The following VSIG4 variants were observed in gnomAD, a reference collection of about 807,000 sequenced individuals.
VSIG4 encodes V-set and immunoglobulin domain-containing protein 4.
A neutral mutation model predicts 23.4 loss-of-function variants in VSIG4; 34 were observed. That is an observed-to-expected ratio of 1.45 (90% CI 1.10 to 1.93). The LOEUF is 1.93. Ranked by LOEUF, VSIG4 falls within the 30% of genes most tolerant of loss-of-function variation. The pLI is 0.00. For missense variants in VSIG4, 433 were observed against 310.8 expected, an observed-to-expected ratio of 1.39 and a Z score of -2.96; for synonymous variants, 169 against 120.3, an observed-to-expected ratio of 1.41 and a Z score of -2.65.
intron 1 of VSIG4, among the ~76,000 whole-genome samples, chrX:66,036,446 C>A (rs1454072894): frequency 9.6e-6 from 1 of 104,099 alleles, no homozygotes; most frequent in Non-Finnish European, 1.9e-5. Flanking sequence ...TAATGAAGGA[C>A]TGTATGATGT....
chrX:66,032,763 A>G lies in VSIG4; in HGVS notation c.413-14T>C, dbSNP rs2085480232. The G allele has an allele frequency of 1.7e-6, 2 of 1,205,286 alleles. No homozygotes were observed. The highest frequency in any genetic ancestry group is 5.9e-5 in the East Asian group (2 of 33,681). ...TGGAGACAGAGACTGCAAAGAAAAG[A>G]CAAGACAGGAAACTCTGGGCAGTCA... On this transcript the variant is annotated splice_polypyrimidine_tract_variant and intron_variant, in intron 2 of 7. Transcript: ENST00000374737.
chrX:66,037,007 A>T (rs867847059), intron 1 of VSIG4, among the ~76,000 whole-genome samples: 1 of 39,953 alleles, frequency 2.5e-5, no homozygotes, highest in African/African-American at 1.3e-4. Context: ...TATATCATAT[A>T]ATATATCATA....
Position 66,033,559 on chromosome X carries a change from G to A in VSIG4, c.327C>T (p.Ser109=), listed in dbSNP as rs564542577. Residue 109 remains serine, a synonymous_variant, in exon 2 of 8, where the codon AGC becomes AGT. Transcript: ENST00000374737. ...GCCAGGTGACTTCACACGTGTAGTG[G>A]CTCCGGTCATCCATCTCCAGGGTGC... ...QLSTLEMDDR[S]HYTCEVTWQT... 355 of 1,209,687 alleles carry A rather than the reference G, an allele frequency of 2.9e-4. 2 individuals carry two copies. The South Asian group carries it at 6.1e-3, about 21-fold the overall frequency.
chrX:66,025,751 T>C (rs932272597), intron 5 of VSIG4, among the ~76,000 whole-genome samples: 1 of 112,258 alleles, frequency 8.9e-6, no homozygotes, highest in Non-Finnish European at 1.9e-5. Context: ...GTATGTTAGT[T>C]TACATAGTAA....
intron 1 of VSIG4, among the ~76,000 whole-genome samples, chrX:66,037,690 A>T (rs1329129049): frequency 1.1e-5 from 1 of 91,336 alleles, no homozygotes. Flanking sequence ...ATAACATTAT[A>T]TTATATTATA....
At chrX:66,030,957 G>C (rs1259568773) in intron 3 of VSIG4, among the ~76,000 whole-genome samples, 1 of 110,905 alleles carries the variant, frequency 9.0e-6, no homozygotes, top group African/African-American at 3.3e-5. Context: ...AGTTCCGTAG[G>C]GCAGAGGTGA....
intron 3 of VSIG4, among the ~76,000 whole-genome samples, chrX:66,029,655 A>G (rs1244392399): frequency 8.9e-6 from 1 of 111,889 alleles, no homozygotes; most frequent in East Asian, 2.8e-4. Context: ...AGAAAGAAAG[A>G]GCCTAATAAG....
At chrX:66,024,603 A>G (rs913875778) in intron 6 of VSIG4, among the ~76,000 whole-genome samples, 3 of 110,638 alleles carry the variant, frequency 2.7e-5, no homozygotes, top group African/African-American at 9.9e-5. Context: ...GCCTTAAATT[A>G]CTCTCTTCTC....
In VSIG4 at chrX:66,021,952, G is replaced by A. The variant is rs2085336298; in HGVS notation, c.*311C>T. On this transcript the variant is annotated 3_prime_UTR_variant, in exon 8 of 8. Coordinates refer to ENST00000374737, the MANE Select transcript of VSIG4 (RefSeq NM_007268.3). ...GGTCTTCTGGTGGCAAGATGCCAAAGTTGAATAGTGTCTGTAGGCATGATG... is the reference window on the plus strand; with the variant it reads ...GGTCTTCTGGTGGCAAGATGCCAAAATTGAATAGTGTCTGTAGGCATGATG... The A allele has an allele frequency of 1.2e-6, 1 of 837,192 alleles. No homozygotes were observed. The highest frequency in any genetic ancestry group is 2.0e-5 in the African/African-American group (1 of 48,803). 69.0% of individuals were successfully genotyped at this position (837,192 alleles called of 1,213,427 possible). A position where few individuals can be genotyped will look rare whatever the true frequency, so the allele number is the denominator to read the frequency against.
intron 1 of VSIG4, 149 bp from the exon 2 acceptor site, chrX:66,033,979 C>G: frequency 2.2e-6 from 1 of 457,368 alleles, no homozygotes; most frequent in Non-Finnish European, 3.8e-6. Context: ...CCCTTTTGCT[C>G]TTTGCCAGCC....
At chrX:66,036,796 ATATAT>A (rs1376264321) in intron 1 of VSIG4, among the ~76,000 whole-genome samples, 3 of 39,657 alleles carry the variant, frequency 7.6e-5, no homozygotes, top group Non-Finnish European at 1.1e-4. Flanking sequence ...ATATAATATA[ATATAT>A]TATATAATAT....
intron 6 of VSIG4, 62 bp downstream of exon 6, chrX:66,024,963 C>T: frequency 2.3e-6 from 2 of 867,914 alleles, no homozygotes; most frequent in Non-Finnish European, 3.2e-6. Flanking sequence ...AGAATTTAGG[C>T]TCAAGTATAC....
intron 1 of VSIG4, among the ~76,000 whole-genome samples, chrX:66,035,602 T>A (rs186769527): frequency 8.9e-6 from 1 of 112,117 alleles, no homozygotes; most frequent in African/African-American, 3.2e-5. Context: ...GGTTTCACTG[T>A]GCCATAGATA....
chrX:66,026,096 C>T (rs922874223), intron 5 of VSIG4, among the ~76,000 whole-genome samples: 1 of 111,833 alleles, frequency 8.9e-6, no homozygotes. Context: ...CTTAGTTACC[C>T]CATAAGTTCA....
chrX:66,032,707 C>G lies in VSIG4; in HGVS notation c.455G>C (p.Gly152Ala), dbSNP rs763612311. 13 of 1,209,493 alleles carry G rather than the reference C, an allele frequency of 1.1e-5. No homozygotes were observed. The African/African-American group carries it at 2.1e-4, about 20-fold the overall frequency. ...CCTCATTCCCTGGGGCACCGTGAAG[C>G]CATAACCGCTGCCAGTTGTCACTGT... ...KPTVTTGSGY[G>A]FTVPQGMRIS... is the part of the protein sequence containing the mutation. The change falls in exon 3 of 8, where the codon GGC (glycine) becomes GCC (alanine). Residue 152 changes from glycine (G) to alanine (A), a missense_variant. Coordinates refer to ENST00000374737, the MANE Select transcript of VSIG4 (RefSeq NM_007268.3).
rs751498904 is a variant in VSIG4, at chrX:66,029,534, T to C, written c.695-1422A>G. Among the ~76,000 whole-genome samples the C allele has an allele frequency of 1.5e-4, 17 of 111,374 alleles. 1 individual carries two copies. The South Asian group carries it at 5.6e-3, about 37-fold the overall frequency. On this transcript the variant is annotated intron_variant, in intron 3 of 7. Transcript: ENST00000374737. Reference sequence around the variant, plus strand: ...TGACATAAAATATATACTCAATAAATATTGAATAAGTTGATGACTTCGTAA... The same window carrying C: ...TGACATAAAATATATACTCAATAAACATTGAATAAGTTGATGACTTCGTAA...
Position 66,022,443 on chromosome X carries a change from T to G in VSIG4, c.1020A>C (p.Ala340=), listed in dbSNP as rs748325315. ...SGETMRVAIF[A]SGCSSDEPTS... ...TTGGCTCATCACTGGAGCAGCCACT[T>G]GCGAAGATGGCCACCCTCATGGTTT... The change falls in exon 8 of 8, where the codon GCA becomes GCC. Residue 340 remains alanine, a synonymous_variant. Transcript: ENST00000374737. The G allele has an allele frequency of 3.3e-6, 4 of 1,212,010 alleles. No individual in the cohort carries two copies. In the South Asian group the frequency reaches 7.0e-5, roughly 21 times the overall value.
chrX:66,022,733 C>A (rs1228832948), intron 7 of VSIG4, 108 bp downstream of exon 7: 2 of 1,188,602 alleles, frequency 1.7e-6, no homozygotes, highest in South Asian at 1.9e-5. Context: ...AGGCCTCCGG[C>A]CTTAGGATTG....
At chrX:66,022,801 A>G in intron 7 of VSIG4, 40 bp downstream of exon 7, 1 of 1,211,573 alleles carries the variant, frequency 8.3e-7, no homozygotes, top group South Asian at 1.8e-5. Flanking sequence ...AATTGAGGGC[A>G]GGGACGGGGT....
Sources: gnomAD v4.1 joint callset for allele counts (sites outside exome capture counted in the v4.1 genomes callset) on GRCh38, gnomAD v4.1.1 for gene constraint, MANE v1.5 for transcripts, NCBI Gene and HGNC (gene_info 2026-07-23, HGNC 2026-07-21) for gene names.